The following ZNF438 variants were observed in gnomAD, a reference collection of about 807,000 sequenced individuals.
ZNF438 encodes the protein zinc finger protein 438.
ZNF438 carries 25 observed loss-of-function variants against 38.0 expected under a neutral mutation model. The observed-to-expected ratio is 0.66, with a 90% CI of 0.48 to 0.92. ZNF438 has a LOEUF of 0.92. Among genes scored for constraint, ZNF438 ranks in the 40% least tolerant of loss-of-function variants. The pLI, the probability that ZNF438 is intolerant of heterozygous loss-of-function variation, is 0.00. For missense variants in ZNF438, 1,007 were observed against 999.6 expected, an observed-to-expected ratio of 1.01 and a Z score of -0.10; for synonymous variants, 372 against 364.1, an observed-to-expected ratio of 1.02 and a Z score of -0.25.
intron 2 of ZNF438, among the ~76,000 whole-genome samples, chr10:30,940,829 A>G (rs1468343508): frequency 1.3e-5 from 2 of 152,240 alleles, no homozygotes; most frequent in Admixed American, 6.5e-5. Flanking sequence ...GTTAATAAAC[A>G]TTTAAGGTTC....
In ZNF438 at chr10:31,005,556, C is replaced by T. The variant is rs146550470; in HGVS notation, c.-192+26277G>A. Among the ~76,000 whole-genome samples, 661 of 152,052 alleles carry T rather than the reference C, an allele frequency of 4.3e-3. 10 individuals carry two copies. Among genetic ancestry groups the T allele is most frequent in the Non-Finnish European group, 4.3e-3 (289 of 67,990 alleles). ...GTCAAAGGATACAAAGCTGCAGATA[C>T]GCAGGATAAAGGGGTCTCGATGTCT... On this transcript the variant is annotated intron_variant, in intron 1 of 5. Coordinates refer to ENST00000413025, the Ensembl canonical transcript of ZNF438.
chr10:30,873,632 G>C (rs1015704301), intron 4 of ZNF438, among the ~76,000 whole-genome samples: 1 of 152,156 alleles, frequency 6.6e-6, no homozygotes, highest in African/African-American at 2.4e-5. Context: ...TTCTAGTACA[G>C]CATTAGTCAT....
At chr10:30,869,573 C>T (rs2037055033) in intron 4 of ZNF438, among the ~76,000 whole-genome samples, 1 of 152,146 alleles carries the variant, frequency 6.6e-6, no homozygotes, top group Non-Finnish European at 1.5e-5. Flanking sequence ...GATATTTCTA[C>T]AGGCATGTGT....
Position 30,880,092 on chromosome 10 carries a change from G to A in ZNF438, c.-31-3027C>T, listed in dbSNP as rs60727681. On this transcript the variant is annotated intron_variant, in intron 3 of 5. Coordinates refer to ENST00000413025, the Ensembl canonical transcript of ZNF438. ...GAGAAAAAGACACATTGCATATAAA[G>A]GAACAATGATAAGGATAACAACAGA... Among the ~76,000 whole-genome samples the A allele has an allele frequency of 3.7e-3, 565 of 152,042 alleles. 6 individuals carry two copies. Among genetic ancestry groups the A allele is most frequent in the African/African-American group, 0.013 (528 of 41,482 alleles).
chr10:30,949,722 T>C (rs1362565489), intron 1 of ZNF438, among the ~76,000 whole-genome samples: 1 of 151,886 alleles, frequency 6.6e-6, no homozygotes, highest in Non-Finnish European at 1.5e-5. Context: ...ATGCACCCAA[T>C]ACAGGAGCAC....
chr10:30,857,313 G>C (rs961217355), intron 4 of ZNF438, among the ~76,000 whole-genome samples: 2 of 147,746 alleles, frequency 1.4e-5, no homozygotes, highest in Non-Finnish European at 3.0e-5. Context: ...GGAATGCAGT[G>C]GTGAGATCTT....
At chr10:30,915,066 CT>C (rs2043462731) in intron 2 of ZNF438, among the ~76,000 whole-genome samples, 2 of 152,050 alleles carry the variant, frequency 1.3e-5, no homozygotes, top group African/African-American at 4.8e-5. Context: ...CACCCCAATC[CT>C]TTGAAAAATA....
chr10:31,014,391 T>C (rs1016326419), intron 1 of ZNF438, among the ~76,000 whole-genome samples: 2 of 152,318 alleles, frequency 1.3e-5, no homozygotes, highest in South Asian at 2.1e-4. Flanking sequence ...ACCTTACCAC[T>C]GTGTCCTCAT....
chr10:30,920,646 A>T (rs1433815108), intron 2 of ZNF438: 1 of 152,162 alleles, frequency 6.6e-6, no homozygotes, highest in Admixed American at 6.5e-5. Context: ...AAGAACCCAA[A>T]TCATGACCTG....
At chr10:30,857,717 G>T in intron 4 of ZNF438, 1 of 1,497,236 alleles carries the variant, frequency 6.7e-7, no homozygotes, top group South Asian at 1.3e-5. Context: ...AAGGCTGTTG[G>T]ATATTTGGAG....
chr10:30,997,430 T>A (rs1433848919), intron 1 of ZNF438, among the ~76,000 whole-genome samples: 1 of 152,010 alleles, frequency 6.6e-6, no homozygotes, highest in Non-Finnish European at 1.5e-5. Flanking sequence ...AGACTGAAAA[T>A]GAACGCAAAA....
At chr10:30,891,472 T>A (rs890355380) in intron 3 of ZNF438, among the ~76,000 whole-genome samples, 1 of 152,198 alleles carries the variant, frequency 6.6e-6, no homozygotes, top group African/African-American at 2.4e-5. Flanking sequence ...TAATTAAGTT[T>A]ATTTGATTTG....
intron 4 of ZNF438, among the ~76,000 whole-genome samples, chr10:30,862,621 T>A (rs992769133): frequency 1.3e-5 from 2 of 152,234 alleles, no homozygotes; most frequent in Admixed American, 1.3e-4. Flanking sequence ...TAGTTTTCAA[T>A]AGCAGTTGCA....
intron 2 of ZNF438, among the ~76,000 whole-genome samples, chr10:30,914,090 A>G (rs1388410183): frequency 6.6e-6 from 1 of 152,174 alleles, no homozygotes; most frequent in Non-Finnish European, 1.5e-5. Flanking sequence ...TTAATGGAAT[A>G]CCACTTAGTA....
chr10:30,874,110 GTGTGTATATA>G (rs2037972412), intron 4 of ZNF438, among the ~76,000 whole-genome samples: 2 of 31,650 alleles, frequency 6.3e-5, no homozygotes, highest in Admixed American at 3.9e-4. Context: ...GGGGGTGTGT[GTGTGTATATA>G]TATATATATA....
Position 30,845,098 on chromosome 10 carries a change from T to C in ZNF438, c.2350A>G (p.Met784Val), listed in dbSNP as rs2031589046. The C allele has an allele frequency of 6.2e-7, 1 of 1,614,034 alleles. No homozygotes were observed. The highest frequency in any genetic ancestry group is 1.7e-5 in the Admixed American group (1 of 59,996). ...AGGAGGTCCTCTTTCCGTCCCAGCA[T>C]CTCTGCACAAAGCAGGCAGTTAAAG... Residue 784 changes from methionine to valine, a missense_variant, in exon 6 of 6, where the codon ATG becomes GTG. Coordinates refer to ENST00000413025, the Ensembl canonical transcript of ZNF438.
At chr10:30,885,212 G>C (rs917440616) in intron 3 of ZNF438, among the ~76,000 whole-genome samples, 1 of 152,190 alleles carries the variant, frequency 6.6e-6, no homozygotes, top group African/African-American at 2.4e-5. Flanking sequence ...AGAGCTTTAG[G>C]TAATTCATAA....
In ZNF438 at chr10:30,984,631, A is replaced by G. The variant is rs148835204; in HGVS notation, c.-191-42980T>C. Among the ~76,000 whole-genome samples the G allele has an allele frequency of 1.8e-3, 280 of 152,318 alleles. 2 individuals carry two copies. Among genetic ancestry groups the G allele is most frequent in the South Asian group, 0.011 (53 of 4,832 alleles). ...AAATGAAAGCATGCAAAATTTAATAAAAGTTTTAAGATAAATAGAAAATGT... is the reference window on the plus strand; with the variant it reads ...AAATGAAAGCATGCAAAATTTAATAGAAGTTTTAAGATAAATAGAAAATGT... On this transcript the variant is annotated intron_variant, in intron 1 of 5. Transcript: ENST00000413025.
At chr10:30,982,270 T>G (rs2052291613) in intron 1 of ZNF438, among the ~76,000 whole-genome samples, 1 of 151,550 alleles carries the variant, frequency 6.6e-6, no homozygotes, top group Non-Finnish European at 1.5e-5. Flanking sequence ...CCTGGCTAAT[T>G]TTTTGTATTT....
Sources: allele counts gnomAD v4.1 joint callset (sites outside exome capture counted in the v4.1 genomes callset), GRCh38; gene constraint gnomAD v4.1.1; transcripts MANE v1.5; gene names NCBI Gene and HGNC (gene_info 2026-07-23, HGNC 2026-07-21).